Variants in CORO7 observed in about 807,000 individuals in gnomAD.
The protein encoded by CORO7 is coronin 7, also known as coronin-7.
In CORO7, 107 loss-of-function variants were observed where a neutral mutation model predicts 126.6. The ratio of observed to expected loss-of-function variants is 0.85; its 90% CI spans 0.72 to 0.99. CORO7 has a LOEUF of 0.99. CORO7 is among the 50% of genes least tolerant of loss of function. The pLI is 0.00. For missense variants in CORO7, 1,314 were observed against 1,255.8 expected (o/e 1.05, Z -0.70); for synonymous variants, 603 against 536.8 (o/e 1.12, Z -1.70).
At chr16:4,372,185 G>A (rs1044995110) in intron 9 of CORO7, among the ~76,000 whole-genome samples, 1 of 152,016 alleles carries the variant, frequency 6.6e-6, no homozygotes, top group Non-Finnish European at 1.5e-5. Context: ...GTCCTGGGGC[G>A]CCGACAGCCC....
At chr16:4,407,803 T>C in intron 4 of CORO7, 119 bp from the exon 5 acceptor site, 1 of 1,317,206 alleles carries the variant, frequency 7.6e-7, no homozygotes, top group Non-Finnish European at 1.0e-6. Flanking sequence ...ACCACACACC[T>C]TGGCCTTGGG....
chr16:4,380,971 C>T, intron 9 of CORO7: 1 of 1,606,038 alleles, frequency 6.2e-7, no homozygotes, highest in Non-Finnish European at 8.5e-7. Context: ...CCAGTGCAGC[C>T]AGCCACAGAC....
At chr16:4,395,481 CCCT>C in intron 6 of CORO7, 142 bp from the exon 7 acceptor site, 1 of 1,018,272 alleles carries the variant, frequency 9.8e-7, no homozygotes, top group African/African-American at 1.6e-5. Flanking sequence ...ACCAGGGCAT[CCCT>C]CCTCAGCCCT....
chr16:4,371,583 G>C (rs2054522651), intron 9 of CORO7, among the ~76,000 whole-genome samples: 1 of 152,200 alleles, frequency 6.6e-6, no homozygotes, highest in Non-Finnish European at 1.5e-5. Flanking sequence ...GTGACGCTTA[G>C]GATTCCTAAA....
At position 4,362,829 on chromosome 16, in the gene CORO7, G is replaced by T; in HGVS notation, c.1276-91C>A. The T allele has an allele frequency of 8.0e-7, 1 of 1,252,956 alleles. No individual in the cohort carries two copies. The highest frequency in any genetic ancestry group is 1.0e-6 in the Non-Finnish European group (1 of 994,894). 77.6% of individuals were successfully genotyped at this position (1,252,956 alleles called of 1,614,324 possible). A position where few individuals can be genotyped will look rare whatever the true frequency, so the allele number is the denominator to read the frequency against. On this transcript the variant is annotated intron_variant, in intron 14 of 27. Transcript: ENST00000251166. This position sits in a 1 kb window ranked among gnomAD's most constrained non-coding sequence, Gnocchi z 5.3. The stretch of plus-strand genomic sequence containing the variant: ...GCGGACTCCAGGGTCACCACTCTGG[G>T]CCCCCTGCGGACTGGAGGAGCCCCC...
At chr16:4,403,715 G>A (rs115202302) in intron 6 of CORO7, among the ~76,000 whole-genome samples, 3,697 of 152,274 alleles carry the variant, frequency 0.024, 155 homozygotes, top group African/African-American at 0.084. Flanking sequence ...AACTGTGATA[G>A]TAAATAGGGC....
chr16:4,361,115 C>T, intron 18 of CORO7, 30 bp from the exon 19 acceptor site: 2 of 1,613,340 alleles, frequency 1.2e-6, no homozygotes, highest in African/African-American at 2.7e-5. Context: ...ATCAGGAGCC[C>T]TTGGGAGACA....
chr16:4,413,472 A>T (rs1457872142), intron 1 of CORO7, 68 bp from the exon 2 acceptor site: 1 of 1,437,702 alleles, frequency 7.0e-7, no homozygotes, highest in Non-Finnish European at 9.5e-7. Context: ...GCCTAAAGCA[A>T]GAGGTGGGGC....
chr16:4,412,659 T>C, intron 2 of CORO7: 2 of 541,426 alleles, frequency 3.7e-6, no homozygotes, highest in Non-Finnish European at 3.3e-6. Flanking sequence ...AGGCGAGAGG[T>C]CCTCTCTTTT....
chr16:4,360,932 A>T lies in CORO7; in HGVS notation c.1917+11T>A. The stretch of plus-strand genomic sequence containing the variant: ...TCCACACTGCTGGCCCCACCTCTGC[A>T]GCCGTCCTACCTGGTCTTGGTGGCC... On this transcript the variant is annotated intron_variant, in intron 19 of 27. Coordinates refer to ENST00000251166, the MANE Select transcript of CORO7 (RefSeq NM_024535.5). 1.2e-6 allele frequency: 2 copies of T among 1,608,810 alleles called. No homozygotes were observed.
intron 13 of CORO7, 91 bp from the exon 14 acceptor site, chr16:4,364,504 G>A (rs536241595): frequency 1.3e-6 from 2 of 1,487,866 alleles, no homozygotes; most frequent in East Asian, 2.5e-5. Context: ...GGGATGGGGG[G>A]CACCCAGCAG....
chr16:4,414,190 CAA>C (rs61676929), intron 1 of CORO7: 444 of 114,798 alleles, frequency 3.9e-3, no homozygotes, highest in African/African-American at 0.011. Context: ...GACTCCATCT[CAA>C]AAAAAAAAAA....
Position 4,361,966 on chromosome 16 carries a change from G to T in CORO7, c.1578+19C>A, listed in dbSNP as rs751237845. ...AGGCAGGGAACTGAGGGGCAGCCCT[G>T]GTGGGGTGGGGCCCTCACCTCAAGC... On this transcript the variant is annotated intron_variant, in intron 16 of 27. Coordinates refer to ENST00000251166, the MANE Select transcript of CORO7 (RefSeq NM_024535.5). The T allele has an allele frequency of 1.3e-6, 2 of 1,589,340 alleles. No homozygotes were observed. Among genetic ancestry groups the T allele is most frequent in the South Asian group, 2.3e-5 (2 of 88,478 alleles).
At position 4,361,973 on chromosome 16, in the gene CORO7, T is replaced by A; in HGVS notation, c.1578+12A>T. ...GAACTGAGGGGCAGCCCTGGTGGGGTGGGGCCCTCACCTCAAGCACAGCCA... is the reference window on the plus strand; with the variant it reads ...GAACTGAGGGGCAGCCCTGGTGGGGAGGGGCCCTCACCTCAAGCACAGCCA... On this transcript the variant is annotated intron_variant, in intron 16 of 27. Transcript: ENST00000251166. The A allele has an allele frequency of 6.3e-7, 1 of 1,592,340 alleles. No individual in the cohort carries two copies. The highest frequency in any genetic ancestry group is 2.3e-5 in the East Asian group (1 of 43,424).
At chr16:4,361,710 T>C in intron 16 of CORO7, 1 of 787,452 alleles carries the variant, frequency 1.3e-6, no homozygotes, top group Non-Finnish European at 2.2e-6. Flanking sequence ...GGCTTAGGGC[T>C]CAGGTGGCCG....
At chr16:4,373,630 G>C (rs571565770) in intron 9 of CORO7, among the ~76,000 whole-genome samples, 1 of 152,154 alleles carries the variant, frequency 6.6e-6, no homozygotes, top group Admixed American at 6.5e-5. Flanking sequence ...AGATGGGTCC[G>C]CGGCTCCTAG....
intron 7 of CORO7, among the ~76,000 whole-genome samples, chr16:4,390,171 T>C (rs2055337563): frequency 6.6e-6 from 1 of 152,120 alleles, no homozygotes; most frequent in Non-Finnish European, 1.5e-5. Flanking sequence ...CCGCACGGTG[T>C]TAGGGGAGGA....
rs1381794160 is a variant in CORO7, at chr16:4,415,956, G to A, written c.60+503C>T. 6.6e-6 allele frequency: 6 copies of A among 913,368 alleles called. No homozygotes were observed. In the African/African-American group the frequency reaches 7.2e-5, roughly 11 times the overall value. The allele number at this position is 913,368 out of a possible 1,614,324, so 56.6% of individuals were successfully genotyped here. Reference sequence around the variant, plus strand: ...ACCGGCGGAAACCCGAGGGAGGGGCGCGTGCGGCCGAGGGGCTCCCTCCCC... The same window carrying A: ...ACCGGCGGAAACCCGAGGGAGGGGCACGTGCGGCCGAGGGGCTCCCTCCCC... On this transcript the variant is annotated intron_variant, in intron 1 of 27. Transcript: ENST00000251166.
intron 26 of CORO7, chr16:4,356,958 A>T (rs1361267861): frequency 1.5e-6 from 1 of 666,514 alleles, no homozygotes; most frequent in Non-Finnish European, 2.5e-6. Flanking sequence ...TGGCCTGGCC[A>T]GGGCAGGGCT....
Sources: allele counts gnomAD v4.1 joint callset (sites outside exome capture counted in the v4.1 genomes callset), GRCh38; gene constraint gnomAD v4.1.1; non-coding constraint Gnocchi (gnomAD v3.1); transcripts MANE v1.5; gene names NCBI Gene and HGNC (gene_info 2026-07-23, HGNC 2026-07-21).